TONSL: variants seen among roughly 807,000 people sequenced by gnomAD.
TONSL encodes tonsoku-like protein.
In TONSL, 112 loss-of-function variants were observed where a neutral mutation model predicts 147.1. The observed-to-expected ratio is 0.76, with a 90% CI of 0.65 to 0.89. The LOEUF is 0.89. Ranked by LOEUF, TONSL falls within the 40% of genes least tolerant of loss-of-function variation. The pLI is 0.00. For synonymous variants in TONSL, 868 were observed against 801.5 expected, an observed-to-expected ratio of 1.08 and a Z score of -1.40; for missense variants, 1,883 against 1,864.6, an observed-to-expected ratio of 1.01 and a Z score of -0.18.
In TONSL at chr8:144,443,953, CCAGAGGGTCGT is replaced by C. The variant is rs1421020011; in HGVS notation, c.182_192del (p.Asp61GlyfsTer58). On this transcript the variant is annotated frameshift_variant, in exon 3 of 26. Transcript: ENST00000409379. LOFTEE classifies it high-confidence loss of function. ...ATCTTGCGGTGGGCCACGGCACAGC[CCAGAGGGTCGT>C]CAGCGCGCTCCCGAAGCTGCAGCTC... 8.4e-6 allele frequency: 13 copies of C among 1,543,144 alleles called. No homozygotes were observed. The highest frequency in any genetic ancestry group is 1.1e-5 in the Non-Finnish European group (13 of 1,146,672).
Position 144,440,282 on chromosome 8 carries a change from A to G in TONSL, c.1290+69T>C, listed in dbSNP as rs564487398. ...CAGAGAAAGATGGGGATGGGGCACA[A>G]GGGGCAGGCAGGCTGCAACGAAGCT... On this transcript the variant is annotated intron_variant, in intron 10 of 25. Transcript: ENST00000409379. The G allele has an allele frequency of 2.7e-4, 417 of 1,556,800 alleles. 5 individuals carry two copies. In the South Asian group the frequency reaches 4.7e-3, roughly 18 times the overall value.
rs771245192 is a variant in TONSL, at chr8:144,442,021, G to C, written c.865+16C>G. ...GCACACACCTCCCAGGGCCCCATTCGCACCCCCAGGCTCACCATGCTGGAG... is the reference window on the plus strand; with the variant it reads ...GCACACACCTCCCAGGGCCCCATTCCCACCCCCAGGCTCACCATGCTGGAG... On this transcript the variant is annotated intron_variant, in intron 7 of 25. Transcript: ENST00000409379. 13 of 1,609,166 alleles carry C rather than the reference G, an allele frequency of 8.1e-6. 1 individual carries two copies. In the South Asian group the frequency reaches 1.2e-4, roughly 15 times the overall value.
rs537223431 is a variant in TONSL, at chr8:144,435,540, G to A, written c.2786C>T (p.Pro929Leu). The A allele has an allele frequency of 2.0e-5, 31 of 1,551,940 alleles. No homozygotes were observed. The South Asian group carries it at 2.5e-4, about 12-fold the overall frequency. ...SAAGQPLGPA[P>L]PPPIRVRVQV... Reference sequence around the variant, plus strand: ...AACTCGAACCCGGATGGGAGGGGGCGGGGCCGGACCCTGGCAGGTGAAGGC... The same window carrying A: ...AACTCGAACCCGGATGGGAGGGGGCAGGGCCGGACCCTGGCAGGTGAAGGC... Residue 929 changes from proline to leucine, a missense_variant, in exon 18 of 26, where the codon CCG (proline) becomes CTG (leucine). Pro to Leu is a moderately conservative substitution (Grantham distance 98, BLOSUM62 -3). Transcript: ENST00000409379.
At chr8:144,433,505 C>A in intron 22 of TONSL, 83 bp downstream of exon 22, 1 of 1,417,028 alleles carries the variant, frequency 7.1e-7, no homozygotes, top group Non-Finnish European at 9.7e-7. Context: ...CCTGTGTGCC[C>A]AGCCTGGGCC....
At chr8:144,431,832 CTTT>C (rs35278312) in intron 23 of TONSL, among the ~76,000 whole-genome samples, 7 of 124,802 alleles carry the variant, frequency 5.6e-5, no homozygotes, top group Non-Finnish European at 8.4e-5. Context: ...CTTTTTCTTT[CTTT>C]TTTTTTTTTT....
At chr8:144,441,897 A>C (rs1255184565) in intron 7 of TONSL, 140 bp downstream of exon 7, 13 of 653,836 alleles carry the variant, frequency 2.0e-5, no homozygotes, top group Middle Eastern at 4.2e-4. Flanking sequence ...CTCTTGCTGA[A>C]GCTGCTGCCT....
intron 4 of TONSL, 51 bp downstream of exon 4, chr8:144,443,087 C>A (rs940412386): frequency 9.2e-6 from 14 of 1,527,174 alleles, no homozygotes; most frequent in Non-Finnish European, 1.2e-5. Flanking sequence ...TGGGCTGCAG[C>A]CTCTTCGGCC....
chr8:144,435,006 C>A lies in TONSL; in HGVS notation c.3006+11G>T. The A allele has an allele frequency of 6.2e-7, 1 of 1,612,326 alleles. No homozygotes were observed. The highest frequency in any genetic ancestry group is 8.5e-7 in the Non-Finnish European group (1 of 1,179,626). ...CTGAGGCCCTGGCTCCCCCTCCGCT[C>A]TGCGGCTCACCTCGTCATTGCTCTG... On this transcript the variant is annotated intron_variant, in intron 19 of 25. Transcript: ENST00000409379.
rs138251107 is a variant in TONSL, at chr8:144,438,724, C to G, written c.1492G>C (p.Asp498His). 2 of 1,613,072 alleles carry G rather than the reference C, an allele frequency of 1.2e-6. No homozygotes were observed. Among genetic ancestry groups the G allele is most frequent in the Non-Finnish European group, 1.7e-6 (2 of 1,179,894 alleles). ...TCCTCCAGCTGCGGGGTCAGGCCATCGGTGTCGTCCTCTGGAACAGAGCCA... is the reference window on the plus strand; with the variant it reads ...TCCTCCAGCTGCGGGGTCAGGCCATGGGTGTCGTCCTCTGGAACAGAGCCA... Reference protein sequence around the residue: ...VELSEGEDDTDGLTPQLEEDE... With the variant: ...VELSEGEDDTHGLTPQLEEDE... The change falls in exon 12 of 26, where the codon GAT (aspartate) becomes CAT (histidine). Residue 498 changes from aspartate (D) to histidine (H), a missense_variant. Transcript: ENST00000409379.
At position 144,436,113 on chromosome 8, in the gene TONSL, G is replaced by T. The variant is rs1251850402; in HGVS notation, c.2320C>A (p.Pro774Thr). 1 of 1,557,238 alleles carries T rather than the reference G, an allele frequency of 6.4e-7. No homozygotes were observed. Among genetic ancestry groups the T allele is most frequent in the Admixed American group, 1.9e-5 (1 of 53,310 alleles). The change falls in exon 17 of 26, where the codon CCT becomes ACT. Residue 774 changes from proline (P) to threonine (T), a missense_variant. Transcript: ENST00000409379. The part of the protein sequence containing the change: ...ATAQRVAAWT[P>T]GPASNREAAT... Reference sequence around the variant, plus strand: ...GCTTCCCTGTTGCTGGCGGGGCCAGGCGTCCAGGCTGCCACCCGTTGTGCT... The same window carrying T: ...GCTTCCCTGTTGCTGGCGGGGCCAGTCGTCCAGGCTGCCACCCGTTGTGCT...
chr8:144,436,172 C>G lies in TONSL; in HGVS notation c.2261G>C (p.Arg754Pro), dbSNP rs753231160. ...SEGEDSAGPA[R>P]PSQKRPRCSA... ...GCACCGAGGCCTCTTCTGGGACGGCCGTGCGGGGCCTGCGCTGTCCTCGCC... is the reference window on the plus strand; with the variant it reads ...GCACCGAGGCCTCTTCTGGGACGGCGGTGCGGGGCCTGCGCTGTCCTCGCC... The change falls in exon 17 of 26, where the codon CGG (arginine) becomes CCG (proline). Residue 754 changes from arginine to proline, a missense_variant. Transcript: ENST00000409379. 1 of 1,574,634 alleles carries G rather than the reference C, an allele frequency of 6.4e-7. No homozygotes were observed. The highest frequency in any genetic ancestry group is 8.6e-7 in the Non-Finnish European group (1 of 1,166,012).
In TONSL at chr8:144,434,897, G is replaced by T. The variant is rs1823371257; in HGVS notation, c.3007-8C>A. The stretch of plus-strand genomic sequence containing the variant: ...AGTCACCTCAGCCAACACCTGGAAG[G>T]CACCGTCATGAGCCACCTGGGGGCT... On this transcript the variant is annotated splice_polypyrimidine_tract_variant and splice_region_variant and intron_variant, in intron 19 of 25. Transcript: ENST00000409379. The T allele has an allele frequency of 3.7e-6, 6 of 1,613,216 alleles. No homozygotes were observed. The African/African-American group carries it at 4.0e-5, about 11-fold the overall frequency.
intron 3 of TONSL, 144 bp downstream of exon 3, chr8:144,443,738 G>T: frequency 1.7e-6 from 2 of 1,190,528 alleles, no homozygotes; most frequent in East Asian, 2.6e-5. Context: ...CGGAGGACTG[G>T]CCCGGGGCGG....
chr8:144,431,888 G>A (rs1554878749), intron 23 of TONSL, among the ~76,000 whole-genome samples: 2 of 148,864 alleles, frequency 1.3e-5, no homozygotes, highest in African/African-American at 5.0e-5. Context: ...GGGTGCAATG[G>A]TGCAATCTAG....
chr8:144,435,114 T>C lies in TONSL; in HGVS notation c.2909A>G (p.Gln970Arg). Residue 970 changes from glutamine (Q) to arginine (R), a missense_variant, in exon 19 of 26, where the codon CAG becomes CGG. By Grantham distance (43) the Gln-to-Arg change is conservative (BLOSUM62 1). Transcript: ENST00000409379. ...GAGCCTGGGCAGCAGCCCGCAGGTC[T>C]GGTAGTAGCGCTGGGCCGCCTGCTC... is the stretch of plus-strand genomic sequence containing the variant. Reference protein sequence around the residue: ...LAEQAAQRYYQTCGLLPRLTL... With the variant: ...LAEQAAQRYYRTCGLLPRLTL... 1 of 1,595,716 alleles carries C rather than the reference T, an allele frequency of 6.3e-7. No individual in the cohort carries two copies. The highest frequency in any genetic ancestry group is 8.5e-7 in the Non-Finnish European group (1 of 1,171,974).
chr8:144,441,226 G>T, intron 7 of TONSL, 115 bp from the exon 8 acceptor site: 1 of 1,408,282 alleles, frequency 7.1e-7, no homozygotes, highest in Admixed American at 2.3e-5. Context: ...ACCTCTGCCT[G>T]CCTGTTGGTG....
chr8:144,442,400 A>G lies in TONSL; in HGVS notation c.591T>C (p.Leu197=), dbSNP rs1226693290. The G allele has an allele frequency of 6.5e-7, 1 of 1,548,646 alleles. No homozygotes were observed. The highest frequency in any genetic ancestry group is 1.2e-5 in the South Asian group (1 of 83,058). The change falls in exon 6 of 26, where the codon CTT becomes CTC. Residue 197 remains leucine, a synonymous_variant. Transcript: ENST00000409379. ...AGCGGGCGCGGAATAGGTCCTCGTA[A>G]AGGTGGTTCTGCCTGCAGAGGGGTG... The part of the protein sequence containing the change: ...KSIFLAEQNH[L]YEDLFRARYN...
In TONSL at chr8:144,436,911, C is replaced by A. The variant is rs567826472; in HGVS notation, c.1736G>T (p.Arg579Leu). The A allele has an allele frequency of 6.2e-7, 1 of 1,608,246 alleles. No homozygotes were observed. The highest frequency in any genetic ancestry group is 8.5e-7 in the Non-Finnish European group (1 of 1,178,840). The change falls in exon 15 of 26, where the codon CGC (arginine) becomes CTC (leucine). Residue 579 changes from arginine to leucine, a missense_variant. Coordinates refer to ENST00000409379, the MANE Select transcript of TONSL (RefSeq NM_013432.5). ...TGCGGCCCCGTGGTCCAGCAGGAAG[C>A]GGACAATTTCTGCAGACCAGGAGAC... ...ACNYGHLEIV[R>L]FLLDHGAAVD... is the part of the protein sequence containing the mutation.
intron 25 of TONSL, among the ~76,000 whole-genome samples, chr8:144,429,836 C>T (rs1173761885): frequency 6.6e-6 from 1 of 152,170 alleles, no homozygotes; most frequent in Non-Finnish European, 1.5e-5. Flanking sequence ...AAGCAGAGCC[C>T]CGCTTCGTGC....
Sources: gnomAD v4.1 joint callset for allele counts (sites outside exome capture counted in the v4.1 genomes callset) on GRCh38, gnomAD v4.1.1 for gene constraint, MANE v1.5 for transcripts, NCBI Gene and HGNC (gene_info 2026-07-23, HGNC 2026-07-21) for gene names.